CDH18: variants seen among roughly 807,000 people sequenced by gnomAD.
CDH18 encodes the protein cadherin 18.
Under a neutral mutation model 67.9 loss-of-function variants are expected in CDH18, and 31 were observed. That is an observed-to-expected ratio of 0.46 (90% confidence interval 0.34 to 0.62). CDH18 has a LOEUF of 0.62. CDH18 is among the 20% of genes least tolerant of loss of function. The pLI is 0.01. For missense variants in CDH18, 890 were observed against 975.5 expected, an observed-to-expected ratio of 0.91 and a Z score of 1.17; for synonymous variants, 362 against 347.2, an observed-to-expected ratio of 1.04 and a Z score of -0.48.
intron 2 of CDH18, among the ~76,000 whole-genome samples, chr5:20,247,763 A>G (rs1261146936): frequency 1.3e-5 from 2 of 151,704 alleles, no homozygotes; most frequent in Non-Finnish European, 2.9e-5. Flanking sequence ...GACCATCAAA[A>G]AAAAAAAAAA....
At chr5:19,825,089 C>A (rs1407255093) in intron 3 of CDH18, among the ~76,000 whole-genome samples, 3 of 152,010 alleles carry the variant, frequency 2.0e-5, no homozygotes, top group Non-Finnish European at 4.4e-5. Flanking sequence ...GTGACCTCAC[C>A]CGCTCCTGCC....
chr5:19,838,919 T>G lies in CDH18; in HGVS notation c.68A>C (p.Tyr23Ser). ...GATGGAGCTGTGGTGAGCAGTTCCA[T>G]AACACCTCTGCACAAAACAGAGACA... ...LVCLCFVQRC[Y>S]GTAHHSSIKV... The change falls in exon 3 of 13, where the codon TAT (tyrosine) becomes TCT (serine). Residue 23 changes from tyrosine (Y) to serine (S), a missense_variant. Tyr to Ser is a moderately radical substitution (Grantham distance 144). This residue lies in a region of CDH18 where 234 missense variants were observed against 307.4 expected (regional missense o/e 0.76). Transcript: ENST00000382275. 1 of 1,614,130 alleles carries G rather than the reference T, an allele frequency of 6.2e-7. No individual in the cohort carries two copies. Among genetic ancestry groups the G allele is most frequent in the East Asian group, 2.2e-5 (1 of 44,854 alleles).
intron 2 of CDH18, among the ~76,000 whole-genome samples, chr5:20,177,001 C>T (rs1737286767): frequency 6.6e-6 from 1 of 151,920 alleles, no homozygotes; most frequent in Admixed American, 6.6e-5. Flanking sequence ...TAAGTAATTC[C>T]TTTTAGAAAA....
chr5:20,475,893 G>T (rs1752405995), intron 1 of CDH18, among the ~76,000 whole-genome samples: 1 of 152,172 alleles, frequency 6.6e-6, no homozygotes, highest in African/African-American at 2.4e-5. Flanking sequence ...GATTGCTGAA[G>T]ACCAGGTATA....
chr5:19,566,176 T>A (rs1740357145), intron 8 of CDH18, among the ~76,000 whole-genome samples: 1 of 151,904 alleles, frequency 6.6e-6, no homozygotes, highest in Admixed American at 6.6e-5. Context: ...CAATGAGAAA[T>A]CATCTCACCC....
At chr5:20,116,471 G>A (rs1747920056) in intron 2 of CDH18, among the ~76,000 whole-genome samples, 2 of 151,426 alleles carry the variant, frequency 1.3e-5, no homozygotes, top group Admixed American at 1.3e-4. Flanking sequence ...AGCTGAGATT[G>A]CACCACTACA....
chr5:19,756,437 T>C (rs1336426207), intron 3 of CDH18, among the ~76,000 whole-genome samples: 1 of 152,224 alleles, frequency 6.6e-6, no homozygotes, highest in Admixed American at 6.5e-5. Flanking sequence ...CAGCAGGTCA[T>C]GATATTTTCC....
At chr5:19,516,477 C>T (rs2126870423) in intron 10 of CDH18, among the ~76,000 whole-genome samples, 2 of 151,936 alleles carry the variant, frequency 1.3e-5, no homozygotes, top group East Asian at 3.9e-4. Context: ...TAAGTCTGGT[C>T]CTAGACTTTT....
intron 1 of CDH18, among the ~76,000 whole-genome samples, chr5:19,986,577 C>T (rs1303734646): frequency 6.6e-6 from 1 of 152,154 alleles, no homozygotes; most frequent in Non-Finnish European, 1.5e-5. Flanking sequence ...CCAAGGTGCA[C>T]TAAGTGAATG....
At chr5:19,602,524 C>T (rs1747306981) in intron 6 of CDH18, among the ~76,000 whole-genome samples, 1 of 151,280 alleles carries the variant, frequency 6.6e-6, no homozygotes, top group South Asian at 2.1e-4. Context: ...GACATCTCTC[C>T]AAAAAAGATA....
At chr5:19,509,078 A>T (rs1235534182) in intron 10 of CDH18, among the ~76,000 whole-genome samples, 1 of 152,022 alleles carries the variant, frequency 6.6e-6, no homozygotes. Context: ...TATGTTGGCC[A>T]GGCTGGTCTA....
At chr5:19,723,255 G>C (rs1474334942) in intron 4 of CDH18, among the ~76,000 whole-genome samples, 1 of 151,720 alleles carries the variant, frequency 6.6e-6, no homozygotes, top group Admixed American at 6.6e-5. Flanking sequence ...GGCAACAAGA[G>C]CGAAACTCTG....
intron 11 of CDH18, among the ~76,000 whole-genome samples, chr5:19,495,626 G>A (rs2126702069): frequency 6.9e-6 from 1 of 145,854 alleles, no homozygotes; most frequent in South Asian, 2.2e-4. Flanking sequence ...TGTAATCCCA[G>A]CTACTCGGCT....
At chr5:20,132,258 G>C (rs1195876584) in intron 2 of CDH18, among the ~76,000 whole-genome samples, 1 of 152,012 alleles carries the variant, frequency 6.6e-6, no homozygotes, top group Non-Finnish European at 1.5e-5. Context: ...AGTTATTATA[G>C]CTATCTTATG....
intron 2 of CDH18, among the ~76,000 whole-genome samples, chr5:20,219,898 G>C (rs886783550): frequency 3.3e-5 from 5 of 151,848 alleles, no homozygotes; most frequent in Non-Finnish European, 5.9e-5. Flanking sequence ...AAAATAAAAT[G>C]TCTAACAACA....
At chr5:20,193,356 G>T (rs994950567) in intron 2 of CDH18, among the ~76,000 whole-genome samples, 1 of 151,934 alleles carries the variant, frequency 6.6e-6, no homozygotes, top group African/African-American at 2.4e-5. Flanking sequence ...CATATTCCTG[G>T]ACACATACAC....
intron 5 of CDH18, among the ~76,000 whole-genome samples, chr5:19,680,493 T>C (rs115017415): frequency 0.01 from 1,546 of 152,022 alleles, 24 homozygotes; most frequent in African/African-American, 0.036. Flanking sequence ...ATACAACTTA[T>C]ATAATTTGAT....
At chr5:20,241,514 G>A (rs1742893943) in intron 2 of CDH18, among the ~76,000 whole-genome samples, 1 of 152,028 alleles carries the variant, frequency 6.6e-6, no homozygotes, top group South Asian at 2.1e-4. Flanking sequence ...CCTCCACAAG[G>A]ATGATTATTT....
intron 1 of CDH18, among the ~76,000 whole-genome samples, chr5:20,430,909 A>T (rs1405902738): frequency 6.6e-6 from 1 of 152,200 alleles, no homozygotes; most frequent in African/African-American, 2.4e-5. Flanking sequence ...TAAATACTCC[A>T]TAAAAATGCT....
Sources: gnomAD v4.1 joint callset for allele counts (sites outside exome capture counted in the v4.1 genomes callset) on GRCh38, gnomAD v4.1.1 for gene constraint, gnomAD v4.1.1 regional missense constraint, MANE v1.5 for transcripts, NCBI Gene and HGNC (gene_info 2026-07-23, HGNC 2026-07-21) for gene names.